Variants in PENK observed in about 807,000 individuals in gnomAD.
The protein encoded by PENK is proenkephalin-A.
A neutral mutation model predicts 24.1 loss-of-function variants in PENK; 25 were observed. The observed-to-expected ratio is 1.04, with a 90% CI of 0.76 to 1.45. PENK has a LOEUF of 1.45. PENK is among the 40% of genes most tolerant of loss of function. The pLI is 0.00. For synonymous variants in PENK, 135 were observed against 130.3 expected, an observed-to-expected ratio of 1.04 and a Z score of -0.24; for missense variants, 353 against 337.9, an observed-to-expected ratio of 1.04 and a Z score of -0.35.
At chr8:56,442,640 T>A (rs1804581286) in intron 3 of PENK, among the ~76,000 whole-genome samples, 1 of 152,082 alleles carries the variant, frequency 6.6e-6, no homozygotes, top group African/African-American at 2.4e-5. Flanking sequence ...CAACAGACTT[T>A]ATTATTTTGA....
intron 3 of PENK, 140 bp downstream of exon 3, chr8:56,445,676 C>T (rs1804642450): frequency 9.4e-7 from 1 of 1,065,486 alleles, no homozygotes. Context: ...ACACCCAGGT[C>T]ACCACGGGCT....
chr8:56,446,144 T>C, intron 2 of PENK, 188 bp from the exon 3 acceptor site: 2 of 621,468 alleles, frequency 3.2e-6, no homozygotes, highest in Non-Finnish European at 5.4e-6. Context: ...TCAGATCGCC[T>C]CGCGGTTCCC....
chr8:56,441,389 C>T lies in PENK; in HGVS notation c.687G>A (p.Arg229=). ...CAAAGCGCTTCAGGAAACCTCCATACCGTTTCTGGTAGTCCATCCACCACT... is the reference window on the plus strand; with the variant it reads ...CAAAGCGCTTCAGGAAACCTCCATATCGTTTCTGGTAGTCCATCCACCACT... The part of the protein sequence containing the change: ...RPEWWMDYQK[R]YGGFLKRFAE... The change falls in exon 4 of 4, where the codon CGG becomes CGA. Residue 229 remains arginine (R), a synonymous_variant. Coordinates refer to ENST00000451791, the MANE Select transcript of PENK (RefSeq NM_001135690.3). 1 of 1,614,176 alleles carries T rather than the reference C, an allele frequency of 6.2e-7. No homozygotes were observed. Among genetic ancestry groups the T allele is most frequent in the Non-Finnish European group, 8.5e-7 (1 of 1,180,022 alleles).
Position 56,442,030 on chromosome 8 carries a change from CA to C in PENK, c.139-94del, listed in dbSNP as rs1286340037. ...GTGGACCAAAATATGCTTGCTTTGACATCATAACTTCCTTATTATAATAAGG... is the reference window on the plus strand; with the variant it reads ...GTGGACCAAAATATGCTTGCTTTGACTCATAACTTCCTTATTATAATAAGG... On this transcript the variant is annotated intron_variant, in intron 3 of 3. Coordinates refer to ENST00000451791, the MANE Select transcript of PENK (RefSeq NM_001135690.3). The C allele has an allele frequency of 6.0e-5, 51 of 851,602 alleles. No homozygotes were observed. In the African/African-American group the frequency reaches 8.5e-4, roughly 14 times the overall value. 52.8% of individuals were successfully genotyped at this position (851,602 alleles called of 1,614,324 possible). A position where few individuals can be genotyped will look rare whatever the true frequency, so the allele number is the denominator to read the frequency against.
intron 2 of PENK, 155 bp downstream of exon 2, chr8:56,446,271 C>A: frequency 2.8e-6 from 1 of 363,482 alleles, no homozygotes. Context: ...GGCGAGAGAG[C>A]GGGAGCCGGG....
intron 3 of PENK, among the ~76,000 whole-genome samples, chr8:56,442,925 A>G (rs1804586330): frequency 2.0e-5 from 3 of 152,098 alleles, no homozygotes. Context: ...TAAAGAGAGT[A>G]CTAATATGTG....
At chr8:56,445,170 G>GA (rs1421897725) in intron 3 of PENK, 2 of 156,106 alleles carry the variant, frequency 1.3e-5, no homozygotes, top group Admixed American at 6.4e-5. Context: ...AGTTGAAACA[G>GA]AAGTTGAATT....
chr8:56,445,838 C>A lies in PENK; in HGVS notation c.116G>T (p.Arg39Leu). ...DCATCSYRLV[R>L]PADINFLACV... ...CACCAGGAAGTTGATGTCGGCCGGG[C>A]GCACTAGGCGGTAGCTGCACGTCGC... The change falls in exon 3 of 4, where the codon CGC (arginine) becomes CTC (leucine). Residue 39 changes from arginine to leucine, a missense_variant. By Grantham distance (102) the Arg-to-Leu change is moderately radical. Coordinates refer to ENST00000451791, the MANE Select transcript of PENK (RefSeq NM_001135690.3). The A allele has an allele frequency of 1.2e-6, 2 of 1,613,396 alleles. No individual in the cohort carries two copies. The highest frequency in any genetic ancestry group is 2.2e-5 in the South Asian group (2 of 91,082).
In PENK at chr8:56,441,439, AGCCCCCATATC is replaced by A. The variant is rs1804550639; in HGVS notation, c.626_636del (p.Arg209LeufsTer44). 3 of 1,613,866 alleles carry A rather than the reference AGCCCCCATATC, an allele frequency of 1.9e-6. No homozygotes were observed. Among genetic ancestry groups the A allele is most frequent in the Non-Finnish European group, 2.5e-6 (3 of 1,180,010 alleles). ...TCTGGGCGACCTACTCTTCTCATGAAGCCCCCATATCGCTTCTGCAGCTCTTTGGCTTCATC... is the reference window on the plus strand; with the variant it reads ...TCTGGGCGACCTACTCTTCTCATGAAGCTTCTGCAGCTCTTTGGCTTCATC... On this transcript the variant is annotated frameshift_variant, in exon 4 of 4. Coordinates refer to ENST00000451791, the MANE Select transcript of PENK (RefSeq NM_001135690.3). LOFTEE classifies it high-confidence loss of function.
chr8:56,441,359 C>G lies in PENK; in HGVS notation c.717G>C (p.Glu239Asp), dbSNP rs745366541. Reference sequence around the variant, plus strand: ...CGCCTTCTTCGTCGGAGGGCAGAGCCTCGGCAAAGCGCTTCAGGAAACCTC... The same window carrying G: ...CGCCTTCTTCGTCGGAGGGCAGAGCGTCGGCAAAGCGCTTCAGGAAACCTC... ...RYGGFLKRFA[E>D]ALPSDEEGES... Residue 239 changes from glutamate to aspartate, a missense_variant, in exon 4 of 4, where the codon GAG becomes GAC. Transcript: ENST00000451791. 6.2e-7 allele frequency: 1 copy of G among 1,614,126 alleles called. No homozygotes were observed.
intron 3 of PENK, among the ~76,000 whole-genome samples, chr8:56,443,215 CTTAT>C (rs1177045392): frequency 6.6e-6 from 1 of 152,074 alleles, no homozygotes; most frequent in African/African-American, 2.4e-5. Flanking sequence ...ATTAAAATGT[CTTAT>C]TTTATTCCTG....
rs1031169809 is a variant in PENK at position 56,444,077 on chromosome 8, C to T, written c.138+1739G>A. The T allele has an allele frequency of 7.4e-6, 5 of 672,486 alleles. No individual in the cohort carries two copies. In the Admixed American group the frequency reaches 1.1e-4, roughly 14 times the overall value. The allele number at this position is 672,486 out of a possible 1,614,324, so 41.7% of individuals were successfully genotyped here. A position where few individuals can be genotyped will look rare whatever the true frequency, so the allele number is the denominator to read the frequency against. On this transcript the variant is annotated intron_variant, in intron 3 of 3. Transcript: ENST00000451791. ...AGAGAAGTCAAGATTTGAGGTGATA[C>T]CCAGGGAAGAGCTAGCTGCTACCCA...
chr8:56,444,732 T>C (rs892706651), intron 3 of PENK, among the ~76,000 whole-genome samples: 1 of 152,242 alleles, frequency 6.6e-6, no homozygotes, highest in Non-Finnish European at 1.5e-5. Flanking sequence ...CCACAGATAT[T>C]TGGAAACTGT....
chr8:56,441,875 C>A lies in PENK; in HGVS notation c.201G>T (p.Glu67Asp). 1 of 1,614,064 alleles carries A rather than the reference C, an allele frequency of 6.2e-7. No homozygotes were observed. The highest frequency in any genetic ancestry group is 8.5e-7 in the Non-Finnish European group (1 of 1,179,964). Residue 67 changes from glutamate (E) to aspartate (D), a missense_variant, in exon 4 of 4, where the codon GAG (glutamate) becomes GAT (aspartate). Transcript: ENST00000451791. Reference sequence around the variant, plus strand: ...GCTCTGGTTTGGACAGCTGCAGGAGCTCCTTGCAGGTTTCCCAAATTTTCA... The same window carrying A: ...GCTCTGGTTTGGACAGCTGCAGGAGATCCTTGCAGGTTTCCCAAATTTTCA... ...PSLKIWETCK[E>D]LLQLSKPELP...
chr8:56,441,043 A>C lies in PENK; in HGVS notation c.*229T>G, dbSNP rs954323325. 3 of 429,968 alleles carry C rather than the reference A, an allele frequency of 7.0e-6. No homozygotes were observed. The highest frequency in any genetic ancestry group is 1.2e-5 in the Non-Finnish European group (3 of 242,592). 26.6% of individuals were successfully genotyped at this position (429,968 alleles called of 1,614,324 possible). On this transcript the variant is annotated 3_prime_UTR_variant, in exon 4 of 4. Transcript: ENST00000451791. ...AAAAATAAGAGACAAGATAACAAAA[A>C]CTATTTTAGCATGAAAACGAGATAG...
chr8:56,442,899 C>T (rs1306693993), intron 3 of PENK, among the ~76,000 whole-genome samples: 1 of 151,982 alleles, frequency 6.6e-6, no homozygotes, highest in Non-Finnish European at 1.5e-5. Context: ...CTATTTAACA[C>T]ATCACTTGGG....
intron 3 of PENK, chr8:56,445,525 C>CG: frequency 1.7e-6 from 1 of 600,678 alleles, no homozygotes; most frequent in Non-Finnish European, 3.0e-6. Context: ...GAGGACTTCT[C>CG]GGGGTTCCCG....
intron 3 of PENK, among the ~76,000 whole-genome samples, chr8:56,444,560 T>C (rs1346181438): frequency 6.6e-6 from 1 of 152,236 alleles, no homozygotes; most frequent in Non-Finnish European, 1.5e-5. Flanking sequence ...TAAAAGCTCA[T>C]GACTACAGGA....
chr8:56,443,727 G>A (rs2128941426), intron 3 of PENK: 2 of 406,172 alleles, frequency 4.9e-6, no homozygotes, highest in East Asian at 3.9e-5. Context: ...ATCCCAGAAT[G>A]TTGTAATTCT....
Sources: allele counts gnomAD v4.1 joint callset (sites outside exome capture counted in the v4.1 genomes callset), GRCh38; gene constraint gnomAD v4.1.1; transcripts MANE v1.5; gene names NCBI Gene and HGNC (gene_info 2026-07-23, HGNC 2026-07-21).